Variants in AGMO observed in about 807,000 individuals in gnomAD.
The protein encoded by AGMO is glyceryl-ether monooxygenase.
In AGMO, 75 loss-of-function variants were observed where a neutral mutation model predicts 60.2. The observed-to-expected ratio is 1.25, with a 90% CI of 1.03 to 1.51. AGMO has a LOEUF of 1.51. Among genes scored for constraint, AGMO ranks in the 40% most tolerant of loss-of-function variants. AGMO has a pLI of 0.00. For missense variants in AGMO, 763 were observed against 525.5 expected (o/e 1.45, Z -4.42); for synonymous variants, 261 against 177.1 (o/e 1.47, Z -3.76).
chr7:15,180,034 G>C, the AGMO span, among the ~76,000 whole-genome samples: 4 of 152,106 alleles, frequency 2.6e-5, no homozygotes, highest in Non-Finnish European at 4.4e-5. Context: ...CTAGAGCTCT[G>C]GGTTTGTGAT....
the AGMO span, among the ~76,000 whole-genome samples, chr7:15,171,383 T>C: frequency 2.0e-5 from 3 of 152,196 alleles, no homozygotes; most frequent in African/African-American, 7.2e-5. Context: ...ACTGTTGATG[T>C]TGACCTTGAT....
At chr7:15,549,338 G>T (rs1784879345) in intron 2 of AGMO, among the ~76,000 whole-genome samples, 1 of 151,648 alleles carries the variant, frequency 6.6e-6, no homozygotes, top group Non-Finnish European at 1.5e-5. Flanking sequence ...AATGTAAATG[G>T]ACTAAATGCT....
the AGMO span, among the ~76,000 whole-genome samples, chr7:15,138,306 G>A: frequency 2.0e-5 from 3 of 152,144 alleles, no homozygotes; most frequent in South Asian, 2.1e-4. Context: ...AAGTAATGGC[G>A]AGGTACATTT....
At chr7:15,239,175 T>G (rs1030710055) in intron 12 of AGMO, among the ~76,000 whole-genome samples, 6 of 152,134 alleles carry the variant, frequency 3.9e-5, no homozygotes, top group African/African-American at 1.4e-4. Context: ...GCTGAGATTG[T>G]TGCTTACTGT....
chr7:15,374,868 C>G (rs1049089712), intron 10 of AGMO, among the ~76,000 whole-genome samples: 1 of 151,934 alleles, frequency 6.6e-6, no homozygotes, highest in Non-Finnish European at 1.5e-5. Context: ...CATAGAGAAC[C>G]CTAAAAATTT....
At chr7:15,550,545 A>G (rs1170231789) in intron 2 of AGMO, among the ~76,000 whole-genome samples, 13 of 152,134 alleles carry the variant, frequency 8.5e-5, no homozygotes, top group African/African-American at 1.7e-4. Flanking sequence ...ACACCTCTAC[A>G]CAAATAAACT....
At chr7:15,345,750 A>C (rs1782010385) in intron 12 of AGMO, among the ~76,000 whole-genome samples, 1 of 152,178 alleles carries the variant, frequency 6.6e-6, no homozygotes, top group Admixed American at 6.6e-5. Context: ...TATTATCTGC[A>C]GAAAGCTTGA....
intron 10 of AGMO, among the ~76,000 whole-genome samples, chr7:15,368,656 GTAT>G (rs746259605): frequency 2.1e-4 from 32 of 152,120 alleles, no homozygotes; most frequent in Admixed American, 3.3e-4. Flanking sequence ...GTCATGGTTA[GTAT>G]TATTGTTACT....
chr7:15,333,970 CAAGT>C (rs1442925008), intron 12 of AGMO, among the ~76,000 whole-genome samples: 1 of 151,832 alleles, frequency 6.6e-6, no homozygotes, highest in African/African-American at 2.4e-5. Context: ...CCATAGAATA[CAAGT>C]AAGTCCAAAT....
chr7:15,390,978 T>A (rs564648405), intron 6 of AGMO, 73 bp from the exon 7 acceptor site: 49 of 920,208 alleles, frequency 5.3e-5, no homozygotes, highest in Middle Eastern at 2.9e-4. Context: ...CATCTTGTTT[T>A]TTAGAATATA....
the AGMO span, among the ~76,000 whole-genome samples, chr7:15,164,294 A>G: frequency 1.3e-5 from 2 of 152,106 alleles, no homozygotes; most frequent in Non-Finnish European, 2.9e-5. Flanking sequence ...AAAATCCTAG[A>G]AGAAAACCTA....
At chr7:15,252,988 T>C (rs1263570747) in intron 12 of AGMO, among the ~76,000 whole-genome samples, 4 of 152,156 alleles carry the variant, frequency 2.6e-5, no homozygotes, top group Admixed American at 6.5e-5. Context: ...CTAGATTCAG[T>C]AGAAGTCATT....
At chr7:15,373,277 CAAA>C (rs780500529) in intron 10 of AGMO, among the ~76,000 whole-genome samples, 1 of 138,092 alleles carries the variant, frequency 7.2e-6, no homozygotes, top group Non-Finnish European at 1.6e-5. Context: ...TATTCTGTCT[CAAA>C]AAAAAAAAAA....
the AGMO span, among the ~76,000 whole-genome samples, chr7:15,136,681 ATT>A: frequency 1.3e-5 from 2 of 150,628 alleles, no homozygotes; most frequent in African/African-American, 4.9e-5. Context: ...TTTATGCCAC[ATT>A]TTTTTTTGCT....
At chr7:15,331,877 G>C (rs1365912437) in intron 12 of AGMO, among the ~76,000 whole-genome samples, 1 of 151,508 alleles carries the variant, frequency 6.6e-6, no homozygotes, top group East Asian at 1.9e-4. Context: ...AGTGAGCCAA[G>C]ATCACACCAT....
At chr7:15,255,066 G>T (rs965988974) in intron 12 of AGMO, among the ~76,000 whole-genome samples, 1 of 152,158 alleles carries the variant, frequency 6.6e-6, no homozygotes, top group African/African-American at 2.4e-5. Flanking sequence ...CAGGGACATG[G>T]ATGAAGCTGG....
At position 15,322,563 on chromosome 7, in the gene AGMO, TAAATATATATAA is replaced by T. The variant is rs1252952868; in HGVS notation, c.1263+42939_1263+42950del. Among the ~76,000 whole-genome samples, 278 of 45,642 alleles carry T rather than the reference TAAATATATATAA, an allele frequency of 6.1e-3. 7 individuals are homozygous for T. The highest frequency in any genetic ancestry group is 7.3e-3 in the Admixed American group (16 of 2,204). The allele number at this position is 45,642 out of a possible 152,430, so 29.9% of individuals were successfully genotyped here. ...ATATATATAAATATATATAAATATA[TAAATATATATAA>T]ATATATATAAATATATAAATATATA... On this transcript the variant is annotated intron_variant, in intron 12 of 12. Coordinates refer to ENST00000342526, the MANE Select transcript of AGMO (RefSeq NM_001004320.2).
At chr7:15,301,988 C>T (rs532064263) in intron 12 of AGMO, among the ~76,000 whole-genome samples, 2 of 152,148 alleles carry the variant, frequency 1.3e-5, no homozygotes, top group East Asian at 3.9e-4. Flanking sequence ...AAGAGAGCTC[C>T]TCAACTTTTT....
At chr7:15,448,453 A>C (rs2128504562) in intron 3 of AGMO, among the ~76,000 whole-genome samples, 1 of 152,290 alleles carries the variant, frequency 6.6e-6, no homozygotes, top group South Asian at 2.1e-4. Context: ...TATAAAAAAT[A>C]AACTTCTAAT....
Sources: gnomAD v4.1 joint callset for allele counts (sites outside exome capture counted in the v4.1 genomes callset) on GRCh38, gnomAD v4.1.1 for gene constraint, MANE v1.5 for transcripts, NCBI Gene and HGNC (gene_info 2026-07-23, HGNC 2026-07-21) for gene names.